The following LRRC66 variants were observed in gnomAD, a reference collection of about 807,000 sequenced individuals.
LRRC66 encodes the protein leucine-rich repeat-containing protein 66.
A neutral mutation model predicts 24.6 loss-of-function variants in LRRC66; 29 were observed. The observed-to-expected ratio is 1.18, with a 90% CI of 0.88 to 1.61. The LOEUF (loss-of-function observed/expected upper bound fraction) is 1.61, where lower values mean the gene tolerates loss of function less well. LRRC66 is among the 40% of genes most tolerant of loss of function. LRRC66 has a pLI of 0.00. For missense variants in LRRC66, 1,124 were observed against 1,058.0 expected (o/e 1.06, Z -0.87); for synonymous variants, 411 against 397.6 (o/e 1.03, Z -0.40).
intron 3 of LRRC66, among the ~76,000 whole-genome samples, chr4:51,998,231 TCTTC>T (rs1219613193): frequency 2.6e-5 from 4 of 152,224 alleles, no homozygotes; most frequent in Non-Finnish European, 4.4e-5. Flanking sequence ...AATCATTTTC[TCTTC>T]CTTCTTTCCT....
chr4:52,017,602 G>C lies in LRRC66; in HGVS notation c.12C>G (p.Leu4=). Residue 4 remains leucine, a synonymous_variant, in exon 2 of 5, where the codon CTC becomes CTG. Coordinates refer to ENST00000682860, the MANE Select transcript of LRRC66 (RefSeq NM_001024611.3). The part of the protein sequence containing the change: MKN[L]YFRVITIVIG... Reference sequence around the variant, plus strand: ...TAACTATGGTAATGACTCTGAAATAGAGGTTTTTCATAATGCCTGGAAAAA... The same window carrying C: ...TAACTATGGTAATGACTCTGAAATACAGGTTTTTCATAATGCCTGGAAAAA... 1 of 1,557,054 alleles carries C rather than the reference G, an allele frequency of 6.4e-7. No individual in the cohort carries two copies. Among genetic ancestry groups the C allele is most frequent in the South Asian group, 1.2e-5 (1 of 82,782 alleles).
At chr4:52,018,007 C>T in intron 1 of LRRC66, 8 of 985,398 alleles carry the variant, frequency 8.1e-6, no homozygotes, top group Non-Finnish European at 9.6e-6. Flanking sequence ...GTCTATTATG[C>T]TTATCTACAA....
At chr4:52,016,610 A>C (rs1736817619) in intron 2 of LRRC66, among the ~76,000 whole-genome samples, 1 of 152,146 alleles carries the variant, frequency 6.6e-6, no homozygotes. Flanking sequence ...TCTGATTTTG[A>C]CTTGATAATC....
chr4:52,018,278 TTGAG>T (rs1736864543), intron 1 of LRRC66: 7 of 984,770 alleles, frequency 7.1e-6, no homozygotes, highest in Non-Finnish European at 8.4e-6. Flanking sequence ...TACAGAAACA[TTGAG>T]TATCTTTTGT....
intron 2 of LRRC66, among the ~76,000 whole-genome samples, chr4:52,015,521 A>G (rs1736789559): frequency 6.6e-6 from 1 of 152,176 alleles, no homozygotes; most frequent in South Asian, 2.1e-4. Context: ...AATCCAGGCA[A>G]AGGCAGAGGA....
intron 2 of LRRC66, among the ~76,000 whole-genome samples, chr4:52,005,715 T>C (rs1736566518): frequency 1.3e-5 from 2 of 151,982 alleles, no homozygotes; most frequent in South Asian, 2.1e-4. Flanking sequence ...TATTTCCATA[T>C]TGGTTTGGAA....
Position 51,995,838 on chromosome 4 carries a change from G to A in LRRC66, c.1184C>T (p.Ala395Val), listed in dbSNP as rs1185413033. 9 of 1,614,142 alleles carry A rather than the reference G, an allele frequency of 5.6e-6. No homozygotes were observed. The highest frequency in any genetic ancestry group is 7.6e-6 in the Non-Finnish European group (9 of 1,180,032). The stretch of plus-strand genomic sequence containing the variant: ...TCTGTCAACATAAGGCCTTGTGAAA[G>A]CCCCCAGGCTGAAGGCGACAAGGAA... Reference protein sequence around the residue: ...ITFLVAFSLGAFTRPYVDRLW... With the variant: ...ITFLVAFSLGVFTRPYVDRLW... The change falls in exon 5 of 5, where the codon GCT becomes GTT. Residue 395 changes from alanine to valine, a missense_variant. Physicochemically the swap from Ala to Val is moderately conservative, Grantham distance 64 (BLOSUM62 0). Transcript: ENST00000682860.
At chr4:52,002,687 A>C (rs1235677275) in intron 3 of LRRC66, among the ~76,000 whole-genome samples, 2 of 152,244 alleles carry the variant, frequency 1.3e-5, no homozygotes, top group Non-Finnish European at 2.9e-5. Flanking sequence ...CACACATGCT[A>C]TACAAGTATG....
intron 2 of LRRC66, among the ~76,000 whole-genome samples, chr4:52,009,227 A>G (rs1315796643): frequency 6.6e-6 from 1 of 152,138 alleles, no homozygotes; most frequent in East Asian, 1.9e-4. Context: ...AATTTGTGGG[A>G]CGTAGCTAAA....
intron 2 of LRRC66, among the ~76,000 whole-genome samples, chr4:52,012,611 TG>T (rs1736728058): frequency 6.6e-6 from 1 of 152,144 alleles, no homozygotes; most frequent in Non-Finnish European, 1.5e-5. Context: ...GGTAGTCAAA[TG>T]AGTGAAAAGA....
rs1445226975 is a variant in LRRC66 at position 51,994,802 on chromosome 4, T to A, written c.2220A>T (p.Ser740=). The change falls in exon 5 of 5, where the codon TCA becomes TCT. Residue 740 remains serine (S), a synonymous_variant. Transcript: ENST00000682860. ...PDEESLQDES[S]GASKDNVTAV... is the part of the protein sequence containing the mutation. ...CCGTCACATTGTCCTTGCTTGCCCC[T>A]GAGCTCTCGTCCTGCAGGGACTCCT... The A allele has an allele frequency of 1.9e-6, 3 of 1,614,096 alleles. No homozygotes were observed. In the Admixed American group the frequency reaches 5.0e-5, roughly 27 times the overall value.
chr4:52,017,118 C>T lies in LRRC66; in HGVS notation c.496G>A (p.Gly166Arg). 1.9e-6 allele frequency: 3 copies of T among 1,611,866 alleles called. No homozygotes were observed. Among genetic ancestry groups the T allele is most frequent in the Non-Finnish European group, 2.5e-6 (3 of 1,179,020 alleles). The change falls in exon 2 of 5, where the codon GGA (glycine) becomes AGA (arginine). Residue 166 changes from glycine (G) to arginine (R), a missense_variant and splice_region_variant. By Grantham distance (125) the Gly-to-Arg change is moderately radical. Transcript: ENST00000682860. ...QRNKLSDTPK[G>R]LWKLKSLQSL... Reference sequence around the variant, plus strand: ...TCTGCCTAGTTAAAATTGTACTCACCCTTGGGAGTGTCACTGAGTTTATTT... The same window carrying T: ...TCTGCCTAGTTAAAATTGTACTCACTCTTGGGAGTGTCACTGAGTTTATTT...
At chr4:52,006,197 C>G (rs566035637) in intron 2 of LRRC66, among the ~76,000 whole-genome samples, 7 of 152,278 alleles carry the variant, frequency 4.6e-5, no homozygotes, top group African/African-American at 1.7e-4. Context: ...CATCCCATTA[C>G]TGGGTATATA....
At chr4:52,004,897 ATCTTTAC>A (rs2110197427) in intron 2 of LRRC66, among the ~76,000 whole-genome samples, 1 of 152,358 alleles carries the variant, frequency 6.6e-6, no homozygotes, top group South Asian at 2.1e-4. Flanking sequence ...ACAGCATAGA[ATCTTTAC>A]TCTTTAAAGA....
Position 51,995,276 on chromosome 4 carries a change from T to A in LRRC66, c.1746A>T (p.Gly582=). The A allele has an allele frequency of 6.2e-7, 1 of 1,614,166 alleles. No homozygotes were observed. Among genetic ancestry groups the A allele is most frequent in the South Asian group, 1.1e-5 (1 of 91,074 alleles). Reference sequence around the variant, plus strand: ...TTTTACAGAGGGAAGCTGTTATTTCTCCGGAGAGGGAAGGGTCTAATTCAT... The same window carrying A: ...TTTTACAGAGGGAAGCTGTTATTTCACCGGAGAGGGAAGGGTCTAATTCAT... ...DSNELDPSLS[G]EITASLCKML... Residue 582 remains glycine, a synonymous_variant, in exon 5 of 5, where the codon GGA becomes GGT. Coordinates refer to ENST00000682860, the MANE Select transcript of LRRC66 (RefSeq NM_001024611.3).
At chr4:52,019,323 T>C (rs559845652) in intron 1 of LRRC66, among the ~76,000 whole-genome samples, 57 of 152,262 alleles carry the variant, frequency 3.7e-4, no homozygotes, top group African/African-American at 1.3e-3. Context: ...ACATTCAGCG[T>C]TGCTATTGTT....
chr4:51,996,316 A>C (rs1736316326), intron 4 of LRRC66, 151 bp from the exon 5 acceptor site: 1 of 713,554 alleles, frequency 1.4e-6, no homozygotes. Context: ...GCACAATCAT[A>C]ACTCACTGAA....
chr4:52,007,270 C>T (rs1272962822), intron 2 of LRRC66, among the ~76,000 whole-genome samples: 1 of 152,192 alleles, frequency 6.6e-6, no homozygotes, highest in Non-Finnish European at 1.5e-5. Context: ...CCTCGAACTC[C>T]TAGGCTCAAG....
rs904709072 is a variant in LRRC66 at position 52,003,242 on chromosome 4, T to C, written c.647A>G (p.Lys216Arg). 2 of 1,612,022 alleles carry C rather than the reference T, an allele frequency of 1.2e-6. No individual in the cohort carries two copies. The highest frequency in any genetic ancestry group is 1.7e-6 in the Non-Finnish European group (2 of 1,179,484). ...KIFKIPPQAF[K>R]DLKKLQVIDL... ...TAGAACCTGTAATTTTTTGAGGTCC[T>C]TGAAGGCTTGTGGGGGAATTTTGAA... Residue 216 changes from lysine to arginine, a missense_variant, in exon 3 of 5, where the codon AAG becomes AGG. By Grantham distance (26) the Lys-to-Arg change is conservative (BLOSUM62 2). Transcript: ENST00000682860.
Sources: allele counts gnomAD v4.1 joint callset (sites outside exome capture counted in the v4.1 genomes callset), GRCh38; gene constraint gnomAD v4.1.1; transcripts MANE v1.5; gene names NCBI Gene and HGNC (gene_info 2026-07-23, HGNC 2026-07-21).